The following SIDT1 variants were observed in gnomAD, a reference collection of about 807,000 sequenced individuals.
The protein encoded by SIDT1 is SID1 transmembrane family member 1, also known as SID1 transmembrane family, member 1.
A neutral mutation model predicts 107.5 loss-of-function variants in SIDT1; 101 were observed. The observed-to-expected ratio is 0.94, with a 90% CI of 0.80 to 1.11. The LOEUF is 1.11. Among genes scored for constraint, SIDT1 ranks in the 50% least tolerant of loss-of-function variants. The pLI, the probability that SIDT1 is intolerant of heterozygous loss-of-function variation, is 0.00. For missense variants in SIDT1, 1,076 were observed against 1,058.2 expected, an observed-to-expected ratio of 1.02 and a Z score of -0.23; for synonymous variants, 395 against 398.2, an observed-to-expected ratio of 0.99 and a Z score of 0.10.
At chr3:113,597,432 G>A (rs1944645061) in intron 10 of SIDT1, among the ~76,000 whole-genome samples, 1 of 147,766 alleles carries the variant, frequency 6.8e-6, no homozygotes, top group Non-Finnish European at 1.5e-5. Context: ...GGGAGGCAGA[G>A]GTTGCAATGA....
intron 24 of SIDT1, among the ~76,000 whole-genome samples, chr3:113,627,034 C>A (rs1946905985): frequency 6.6e-6 from 1 of 152,178 alleles, no homozygotes; most frequent in Non-Finnish European, 1.5e-5. Context: ...TGATCGTCAC[C>A]TTCATGAGAG....
intron 1 of SIDT1, among the ~76,000 whole-genome samples, chr3:113,537,690 C>T (rs1401046631): frequency 6.6e-6 from 1 of 152,254 alleles, no homozygotes; most frequent in African/African-American, 2.4e-5. Context: ...TCTGGTGAGG[C>T]CCTGCTTCCT....
In SIDT1 at chr3:113,591,692, G is replaced by A. The variant is rs147346857; in HGVS notation, c.1002-1313G>A. On this transcript the variant is annotated intron_variant, in intron 9 of 24. Transcript: ENST00000264852. ...CCTGGGCGACAGAGCGAGACTCTGG[G>A]GATGAAAGACTCTTCTTGCTGTGCA... is the stretch of plus-strand genomic sequence containing the variant. 3.3e-3 allele frequency among the ~76,000 whole-genome samples: 498 copies of A among 152,278 alleles called. 3 individuals are homozygous for A. Among genetic ancestry groups the A allele is most frequent in the Admixed American group, 8.7e-3 (133 of 15,292 alleles).
chr3:113,589,050 G>C (rs983543017), intron 9 of SIDT1, among the ~76,000 whole-genome samples: 2 of 152,172 alleles, frequency 1.3e-5, no homozygotes, highest in African/African-American at 4.8e-5. Context: ...TTGTTTCCAA[G>C]ACAGACAGCA....
intron 9 of SIDT1, among the ~76,000 whole-genome samples, chr3:113,586,938 T>C (rs1943785420): frequency 6.6e-6 from 1 of 152,204 alleles, no homozygotes; most frequent in African/African-American, 2.4e-5. Flanking sequence ...CAATACCTGA[T>C]CTCAATCAGG....
rs148262239 is a variant in SIDT1 at position 113,603,898 on chromosome 3, T to C, written c.1264-62T>C. The stretch of plus-strand genomic sequence containing the variant: ...ATTGAGACATTTGTTATGTTTGCCT[T>C]TGTATCTCATGCATAAAGAGCTGAG... On this transcript the variant is annotated intron_variant, in intron 12 of 24. Transcript: ENST00000264852. 6 of 1,071,736 alleles carry C rather than the reference T, an allele frequency of 5.6e-6. No homozygotes were observed. In the African/African-American group the frequency reaches 6.4e-5, roughly 11 times the overall value. 66.4% of individuals were successfully genotyped at this position (1,071,736 alleles called of 1,614,324 possible).
intron 10 of SIDT1, among the ~76,000 whole-genome samples, chr3:113,600,126 A>G (rs1944854458): frequency 1.3e-5 from 2 of 152,132 alleles, no homozygotes; most frequent in African/African-American, 2.4e-5. Flanking sequence ...CCTGGCCAAC[A>G]TGGTGAAACC....
downstream of SIDT1, among the ~76,000 whole-genome samples, chr3:113,629,777 G>A (rs995729273): frequency 6.6e-6 from 1 of 152,154 alleles, no homozygotes; most frequent in African/African-American, 2.4e-5. Flanking sequence ...TGGAGGAAAG[G>A]GTGGACTGTG....
chr3:113,533,476 C>T (rs1313083865), intron 1 of SIDT1, among the ~76,000 whole-genome samples: 2 of 152,244 alleles, frequency 1.3e-5, no homozygotes, highest in Non-Finnish European at 2.9e-5. Flanking sequence ...CATTGCTGGG[C>T]TTTGCAGAGG....
At chr3:113,543,596 A>G (rs933123334) in intron 1 of SIDT1, among the ~76,000 whole-genome samples, 1 of 152,110 alleles carries the variant, frequency 6.6e-6, no homozygotes, top group African/African-American at 2.4e-5. Context: ...TTTCCCCAGA[A>G]TGTTGGTTCT....
At position 113,615,882 on chromosome 3, in the gene SIDT1, T is replaced by C. The variant is rs764898759; in HGVS notation, c.1967-218T>C. On this transcript the variant is annotated intron_variant, in intron 19 of 24. Coordinates refer to ENST00000264852, the MANE Select transcript of SIDT1 (RefSeq NM_017699.3). ...GCTTGTTGTTCATGTCCATCTTCCTTGCCTTTCTGCTGTGTAATGCACAGA... is the reference window on the plus strand; with the variant it reads ...GCTTGTTGTTCATGTCCATCTTCCTCGCCTTTCTGCTGTGTAATGCACAGA... The C allele has an allele frequency of 4.9e-5, 28 of 573,880 alleles. 1 individual carries two copies. The South Asian group carries it at 5.7e-4, about 12-fold the overall frequency. 35.5% of individuals were successfully genotyped at this position (573,880 alleles called of 1,614,324 possible). A position where few individuals can be genotyped will look rare whatever the true frequency, so the allele number is the denominator to read the frequency against.
intron 21 of SIDT1, among the ~76,000 whole-genome samples, chr3:113,620,884 C>T (rs376369075): frequency 2.0e-5 from 3 of 152,094 alleles, no homozygotes; most frequent in African/African-American, 7.2e-5. Context: ...GGCTTGTCTC[C>T]GTCTCTCACA....
At chr3:113,622,195 T>A (rs999351683) in intron 21 of SIDT1, among the ~76,000 whole-genome samples, 1 of 152,050 alleles carries the variant, frequency 6.6e-6, no homozygotes, top group Non-Finnish European at 1.5e-5. Context: ...CCGGGCGCGG[T>A]GGCTCACGCC....
At chr3:113,541,925 C>CTTTTTTTTT (rs34308658) in intron 1 of SIDT1, among the ~76,000 whole-genome samples, 1 of 128,222 alleles carries the variant, frequency 7.8e-6, no homozygotes, top group Non-Finnish European at 1.7e-5. Context: ...CTTTTTCTTT[C>CTTTTTTTTT]TTTTTTTTTT....
chr3:113,544,202 T>A (rs907866601), intron 1 of SIDT1, among the ~76,000 whole-genome samples: 1 of 115,826 alleles, frequency 8.6e-6, no homozygotes, highest in Non-Finnish European at 1.7e-5. Context: ...TTTGTTTGTT[T>A]GTTTGTTTAA....
intron 3 of SIDT1, among the ~76,000 whole-genome samples, chr3:113,572,025 G>T (rs1485135860): frequency 6.6e-6 from 1 of 152,176 alleles, no homozygotes; most frequent in African/African-American, 2.4e-5. Context: ...ATGCAGAGAA[G>T]TTAGAAGGCT....
intron 1 of SIDT1, among the ~76,000 whole-genome samples, chr3:113,552,833 TC>T (rs1940421713): frequency 6.6e-6 from 1 of 152,218 alleles, no homozygotes; most frequent in Non-Finnish European, 1.5e-5. Flanking sequence ...CCCTTTGACA[TC>T]CATGGGCAGC....
At chr3:113,592,461 T>C (rs565747291) in intron 9 of SIDT1, among the ~76,000 whole-genome samples, 5 of 152,344 alleles carry the variant, frequency 3.3e-5, no homozygotes, top group African/African-American at 9.6e-5. Flanking sequence ...TCTTTAACTT[T>C]TTGAGAAACT....
At chr3:113,587,901 C>T (rs1943857867) in intron 9 of SIDT1, among the ~76,000 whole-genome samples, 1 of 152,206 alleles carries the variant, frequency 6.6e-6, no homozygotes, top group African/African-American at 2.4e-5. Flanking sequence ...GACCAAAAGC[C>T]TGGCACCCCA....
Sources: allele counts gnomAD v4.1 joint callset (sites outside exome capture counted in the v4.1 genomes callset), GRCh38; gene constraint gnomAD v4.1.1; transcripts MANE v1.5; gene names NCBI Gene and HGNC (gene_info 2026-07-23, HGNC 2026-07-21).